Variants in CDH10 observed in about 807,000 individuals in gnomAD.
CDH10 encodes cadherin 10, also known as cadherin-10.
A neutral mutation model predicts 73.1 loss-of-function variants in CDH10; 30 were observed. The observed-to-expected ratio is 0.41, with a 90% CI of 0.31 to 0.56. The LOEUF is 0.56. CDH10 is among the 20% of genes least tolerant of loss of function. CDH10 has a pLI of 0.27. For missense variants in CDH10, 815 were observed against 973.7 expected, an observed-to-expected ratio of 0.84 and a Z score of 2.17; for synonymous variants, 345 against 348.2, an observed-to-expected ratio of 0.99 and a Z score of 0.10.
chr5:24,515,151 T>C (rs1402931193), intron 5 of CDH10, among the ~76,000 whole-genome samples: 1 of 152,122 alleles, frequency 6.6e-6, no homozygotes, highest in Non-Finnish European at 1.5e-5. Flanking sequence ...AGTTAGAAAA[T>C]ATTACCAACA....
intron 1 of CDH10, among the ~76,000 whole-genome samples, chr5:24,626,921 T>C (rs887280505): frequency 8.0e-5 from 12 of 150,182 alleles, no homozygotes; most frequent in African/African-American, 2.9e-4. Flanking sequence ...TGTATATATA[T>C]AATTTTATTG....
At chr5:24,632,905 T>C (rs768816435) in intron 1 of CDH10, among the ~76,000 whole-genome samples, 5 of 151,788 alleles carry the variant, frequency 3.3e-5, no homozygotes, top group Non-Finnish European at 7.4e-5. Flanking sequence ...ATGATGATGA[T>C]GATAATGATG....
intron 1 of CDH10, among the ~76,000 whole-genome samples, chr5:24,603,603 T>C (rs891782739): frequency 1.3e-5 from 2 of 152,112 alleles, no homozygotes; most frequent in Non-Finnish European, 2.9e-5. Flanking sequence ...GAAAAAACAT[T>C]AGACAAAATC....
At position 24,573,176 on chromosome 5, in the gene CDH10, C is replaced by G. The variant is rs79333049; in HGVS notation, c.231+20084G>C. On this transcript the variant is annotated intron_variant, in intron 2 of 11. Transcript: ENST00000264463. The stretch of plus-strand genomic sequence containing the variant: ...ATGAAAAATAAATATATAAATAGAG[C>G]TCGGGAAAAAATTTGAAGAGTTAAA... 2.3e-4 allele frequency among the ~76,000 whole-genome samples: 35 copies of G among 151,280 alleles called. No homozygotes were observed. In the East Asian group the frequency reaches 5.8e-3, roughly 25 times the overall value.
chr5:24,511,379 A>G lies in CDH10; in HGVS notation c.950T>C (p.Phe317Ser). The G allele has an allele frequency of 6.2e-7, 1 of 1,612,986 alleles. No homozygotes were observed. Among genetic ancestry groups the G allele is most frequent in the Non-Finnish European group, 8.5e-7 (1 of 1,178,990 alleles). ...RIIDGDGTDM[F>S]DIVTEKDTQE... is the part of the protein sequence containing the mutation. ...TGTGTCCTTCTCAGTCACGATGTCAAACATATCAGTACCGTCACCATCAAT... is the reference window on the plus strand; with the variant it reads ...TGTGTCCTTCTCAGTCACGATGTCAGACATATCAGTACCGTCACCATCAAT... Residue 317 changes from phenylalanine to serine, a missense_variant, in exon 6 of 12, where the codon TTT (phenylalanine) becomes TCT (serine). This residue lies in a region of CDH10 where 516 missense variants were observed against 636.6 expected (regional missense o/e 0.81). Coordinates refer to ENST00000264463, the MANE Select transcript of CDH10 (RefSeq NM_006727.5).
At chr5:24,576,725 A>C (rs767896094) in intron 2 of CDH10, among the ~76,000 whole-genome samples, 2 of 152,122 alleles carry the variant, frequency 1.3e-5, no homozygotes, top group Non-Finnish European at 2.9e-5. Context: ...CCTACAGAAG[A>C]ATTTCAGGTA....
At chr5:24,594,123 A>C (rs13178428) in intron 1 of CDH10, among the ~76,000 whole-genome samples, 1 of 151,888 alleles carries the variant, frequency 6.6e-6, no homozygotes, top group Admixed American at 6.6e-5. Context: ...AAACAAAACA[A>C]AACAAATGAG....
At chr5:24,539,948 A>C in intron 2 of CDH10, among the ~76,000 whole-genome samples, 1 of 152,090 alleles carries the variant, frequency 6.6e-6, no homozygotes, top group East Asian at 1.9e-4. Flanking sequence ...AAAATTATTG[A>C]TATTATCACT....
intron 5 of CDH10, among the ~76,000 whole-genome samples, chr5:24,520,443 AATAC>A (rs757175465): frequency 6.6e-6 from 1 of 152,192 alleles, no homozygotes; most frequent in African/African-American, 2.4e-5. Context: ...ATTTTTTAAG[AATAC>A]ATACATTCTA....
At chr5:24,551,360 G>C (rs573646302) in intron 2 of CDH10, among the ~76,000 whole-genome samples, 1 of 152,010 alleles carries the variant, frequency 6.6e-6, no homozygotes, top group Non-Finnish European at 1.5e-5. Flanking sequence ...TATATATTCT[G>C]ATTTAACAAT....
chr5:24,525,688 T>C (rs1028135593), intron 5 of CDH10, among the ~76,000 whole-genome samples: 6 of 152,060 alleles, frequency 3.9e-5, no homozygotes, highest in African/African-American at 1.4e-4. Context: ...AATTGAAGAT[T>C]CTTACCAGAG....
chr5:24,622,311 A>G (rs1401262065), intron 1 of CDH10, among the ~76,000 whole-genome samples: 1 of 152,182 alleles, frequency 6.6e-6, no homozygotes, highest in African/African-American at 2.4e-5. Context: ...TATGCATGAT[A>G]AATCAAGAAT....
At chr5:24,559,537 A>G (rs544937426) in intron 2 of CDH10, among the ~76,000 whole-genome samples, 1 of 152,164 alleles carries the variant, frequency 6.6e-6, no homozygotes, top group African/African-American at 2.4e-5. Context: ...AGATCTCTGT[A>G]TATGGGAAGA....
At chr5:24,628,538 G>A (rs1447515055) in intron 1 of CDH10, among the ~76,000 whole-genome samples, 1 of 152,050 alleles carries the variant, frequency 6.6e-6, no homozygotes, top group African/African-American at 2.4e-5. Flanking sequence ...AAGTATTTGG[G>A]TGTATATTAA....
intron 2 of CDH10, among the ~76,000 whole-genome samples, chr5:24,592,918 A>ATG (rs1746248368): frequency 6.6e-6 from 1 of 151,546 alleles, no homozygotes; most frequent in Non-Finnish European, 1.5e-5. Flanking sequence ...ATATATATAT[A>ATG]TATACACATA....
At chr5:24,547,707 G>C (rs1300930080) in intron 2 of CDH10, among the ~76,000 whole-genome samples, 2 of 152,122 alleles carry the variant, frequency 1.3e-5, no homozygotes, top group African/African-American at 2.4e-5. Context: ...TAAGTAAAGA[G>C]GTGAAAGTTG....
intron 1 of CDH10, among the ~76,000 whole-genome samples, chr5:24,626,971 T>A (rs1171183390): frequency 1.3e-5 from 2 of 151,394 alleles, no homozygotes; most frequent in South Asian, 4.2e-4. Flanking sequence ...TTCTAAAAAA[T>A]TAAGTACAGT....
At chr5:24,534,303 T>TTC (rs1258228204) in intron 5 of CDH10, among the ~76,000 whole-genome samples, 2 of 151,876 alleles carry the variant, frequency 1.3e-5, no homozygotes, top group Non-Finnish European at 2.9e-5. Context: ...AGTCGAATAT[T>TTC]TTTTTTTGTG....
chr5:24,570,258 C>T (rs970414337), intron 2 of CDH10, among the ~76,000 whole-genome samples: 1 of 152,116 alleles, frequency 6.6e-6, no homozygotes, highest in Non-Finnish European at 1.5e-5. Flanking sequence ...AACAGTAAGT[C>T]AAACAATAAG....
Sources: allele counts gnomAD v4.1 joint callset (sites outside exome capture counted in the v4.1 genomes callset), GRCh38; gene constraint gnomAD v4.1.1; regional missense constraint gnomAD v4.1.1; transcripts MANE v1.5; gene names NCBI Gene and HGNC (gene_info 2026-07-23, HGNC 2026-07-21).